Variants in GREM2 observed in about 807,000 individuals in gnomAD.
The protein encoded by GREM2 is gremlin-2.
Under a neutral mutation model 14.2 loss-of-function variants are expected in GREM2, and 11 were observed. The ratio of observed to expected loss-of-function variants is 0.78; its 90% CI spans 0.49 to 1.28. The LOEUF (loss-of-function observed/expected upper bound fraction) is 1.28, where lower values mean the gene tolerates loss of function less well. Ranked by LOEUF, GREM2 falls within the 50% of genes most tolerant of loss-of-function variation. The pLI, the probability that GREM2 is intolerant of heterozygous loss-of-function variation, is 0.00. For synonymous variants in GREM2, 98 were observed against 97.6 expected (o/e 1.00, Z -0.02); for missense variants, 210 against 218.5 (o/e 0.96, Z 0.24).
chr1:240,497,049 G>A (rs1017134494), intron 1 of GREM2, among the ~76,000 whole-genome samples: 3 of 151,980 alleles, frequency 2.0e-5, no homozygotes, highest in African/African-American at 7.3e-5. Context: ...AACGAAATAT[G>A]GATACTATAC....
chr1:240,598,213 G>T (rs560971915), intron 1 of GREM2, among the ~76,000 whole-genome samples: 1 of 152,296 alleles, frequency 6.6e-6, no homozygotes, highest in African/African-American at 2.4e-5. Context: ...AATTATGAAA[G>T]CACACTTTCT....
At chr1:240,547,372 C>G (rs1243177563) in intron 1 of GREM2, among the ~76,000 whole-genome samples, 1 of 150,924 alleles carries the variant, frequency 6.6e-6, no homozygotes, top group South Asian at 2.1e-4. Flanking sequence ...TGGTGGCGGG[C>G]GCCTGTAGTC....
intron 1 of GREM2, among the ~76,000 whole-genome samples, chr1:240,505,620 T>G (rs1677659665): frequency 6.6e-6 from 1 of 152,074 alleles, no homozygotes; most frequent in Admixed American, 6.6e-5. Context: ...AATACTGTTC[T>G]TCACTCTAAT....
intron 1 of GREM2, among the ~76,000 whole-genome samples, chr1:240,518,272 T>C (rs938458884): frequency 6.6e-6 from 1 of 152,206 alleles, no homozygotes; most frequent in Non-Finnish European, 1.5e-5. Context: ...ATTTAGGCTG[T>C]ACTTGACCCA....
At chr1:240,586,048 ACT>A (rs1283080933) in intron 1 of GREM2, among the ~76,000 whole-genome samples, 2 of 151,886 alleles carry the variant, frequency 1.3e-5, no homozygotes, top group African/African-American at 2.4e-5. Flanking sequence ...AAAAGACAAA[ACT>A]CACACACAGA....
At chr1:240,588,641 G>A (rs1362007105) in intron 1 of GREM2, 1 of 152,140 alleles carries the variant, frequency 6.6e-6, no homozygotes, top group Non-Finnish European at 1.5e-5. Flanking sequence ...ATTATAAGTA[G>A]AGCCTGAACC....
chr1:240,573,844 C>A (rs1055310270), intron 1 of GREM2, among the ~76,000 whole-genome samples: 5 of 152,108 alleles, frequency 3.3e-5, no homozygotes, highest in African/African-American at 1.2e-4. Flanking sequence ...GATGGTAAAC[C>A]CTGAGCTAGG....
chr1:240,519,841 G>A (rs1294509913), intron 1 of GREM2, among the ~76,000 whole-genome samples: 1 of 152,178 alleles, frequency 6.6e-6, no homozygotes. Flanking sequence ...AGCACTTTGG[G>A]AGGCCGAGGT....
chr1:240,521,542 G>A (rs1438337097), intron 1 of GREM2, among the ~76,000 whole-genome samples: 1 of 152,082 alleles, frequency 6.6e-6, no homozygotes, highest in Non-Finnish European at 1.5e-5. Context: ...CTGCACTCCA[G>A]CCTGGGCGAC....
chr1:240,601,912 C>CAAA (rs58182251), intron 1 of GREM2, among the ~76,000 whole-genome samples: 17 of 96,398 alleles, frequency 1.8e-4, no homozygotes, highest in Non-Finnish European at 3.2e-4. Flanking sequence ...GAATCCATCT[C>CAAA]AAAAAAAAAA....
At position 240,492,725 on chromosome 1, in the gene GREM2, C is replaced by T; in HGVS notation, c.*244G>A. Reference sequence around the variant, plus strand: ...GGTTTTCCAGCATTTTCCTTCGGGCCTGATCCACCGCCTGGTTTAGGGGGC... The same window carrying T: ...GGTTTTCCAGCATTTTCCTTCGGGCTTGATCCACCGCCTGGTTTAGGGGGC... On this transcript the variant is annotated 3_prime_UTR_variant, in exon 2 of 2. Transcript: ENST00000318160. 2 of 321,468 alleles carry T rather than the reference C, an allele frequency of 6.2e-6. No individual in the cohort carries two copies. The highest frequency in any genetic ancestry group is 1.1e-5 in the Non-Finnish European group (2 of 179,530). The allele number at this position is 321,468 out of a possible 1,614,324, so 19.9% of individuals were successfully genotyped here.
intron 1 of GREM2, chr1:240,590,586 T>G (rs945561329): frequency 6.6e-6 from 1 of 151,624 alleles, no homozygotes. Flanking sequence ...TGTGCCACCA[T>G]GCCCAGCTAA....
Position 240,540,217 on chromosome 1 carries a change from C to T in GREM2, c.-1-46741G>A, listed in dbSNP as rs1330937749. On this transcript the variant is annotated intron_variant, in intron 1 of 1. Transcript: ENST00000318160. This position sits in a 1 kb window ranked among gnomAD's most constrained non-coding sequence, Gnocchi z 4.2. ...AACCACAGGAGCCTGAGTGAGGGTC[C>T]GTAATGACAGAGCCTCCTACACAGC... is the stretch of plus-strand genomic sequence containing the variant. Among the ~76,000 whole-genome samples, 2 of 152,156 alleles carry T rather than the reference C, an allele frequency of 1.3e-5. No homozygotes were observed. The highest frequency in any genetic ancestry group is 1.3e-4 in the Admixed American group (2 of 15,278).
chr1:240,495,947 GTTTTTT>G (rs200427812), intron 1 of GREM2, among the ~76,000 whole-genome samples: 22 of 145,704 alleles, frequency 1.5e-4, no homozygotes, highest in Non-Finnish European at 4.5e-5. Context: ...TTTTGTTTTT[GTTTTTT>G]TTTTGATGGA....
At chr1:240,563,752 C>T (rs555964506) in intron 1 of GREM2, among the ~76,000 whole-genome samples, 1 of 152,280 alleles carries the variant, frequency 6.6e-6, no homozygotes, top group African/African-American at 2.4e-5. Flanking sequence ...TCTAGTCCAT[C>T]TCCCCATTTT....
chr1:240,499,020 C>A (rs747583862), intron 1 of GREM2, among the ~76,000 whole-genome samples: 7 of 152,140 alleles, frequency 4.6e-5, no homozygotes, highest in Non-Finnish European at 8.8e-5. Flanking sequence ...TCTGTAGATA[C>A]CAGAATAAGG....
intron 1 of GREM2, among the ~76,000 whole-genome samples, chr1:240,574,211 C>G: frequency 6.6e-6 from 1 of 152,226 alleles, no homozygotes; most frequent in Non-Finnish European, 1.5e-5. Context: ...TGAGCCACTG[C>G]ACCCAGCCTG....
At chr1:240,590,376 T>G in intron 1 of GREM2, among the ~76,000 whole-genome samples, 1 of 152,134 alleles carries the variant, frequency 6.6e-6, no homozygotes, top group Non-Finnish European at 1.5e-5. Context: ...TCCTAGAAAA[T>G]ATCTGGTCCT....
rs147529122 is a variant in GREM2 at position 240,519,147 on chromosome 1, A to G, written c.-1-25671T>C. Among the ~76,000 whole-genome samples, 311 of 148,206 alleles carry G rather than the reference A, an allele frequency of 2.1e-3. 2 individuals carry two copies. The highest frequency in any genetic ancestry group is 7.2e-3 in the African/African-American group (292 of 40,482). ...CAAGTTTTCTAAGTGTTCAATTCACATATTAGTTTAAGGAAAAAACAAAAG... is the reference window on the plus strand; with the variant it reads ...CAAGTTTTCTAAGTGTTCAATTCACGTATTAGTTTAAGGAAAAAACAAAAG... On this transcript the variant is annotated intron_variant, in intron 1 of 1. Transcript: ENST00000318160.
Sources: allele counts gnomAD v4.1 joint callset (sites outside exome capture counted in the v4.1 genomes callset), GRCh38; gene constraint gnomAD v4.1.1; non-coding constraint Gnocchi (gnomAD v3.1); transcripts MANE v1.5; gene names NCBI Gene and HGNC (gene_info 2026-07-23, HGNC 2026-07-21).